The following LYRM2 variants were observed in gnomAD, a reference collection of about 807,000 sequenced individuals.
The protein encoded by LYRM2 is LYR motif-containing protein 2.
In LYRM2, 8 loss-of-function variants were observed where a neutral mutation model predicts 11.6. The observed-to-expected ratio is 0.69, with a 90% CI of 0.40 to 1.24. The LOEUF is 1.24. Among genes scored for constraint, LYRM2 ranks in the 50% most tolerant of loss-of-function variants. The pLI is 0.01. For synonymous variants in LYRM2, 30 were observed against 36.4 expected (o/e 0.83, Z 0.63); for missense variants, 117 against 102.9 (o/e 1.14, Z -0.59).
Position 89,634,794 on chromosome 6 carries a change from T to A in LYRM2, c.*2479A>T, listed in dbSNP as rs764010190. On this transcript the variant is annotated 3_prime_UTR_variant, in exon 3 of 3. Transcript: ENST00000523377. The stretch of plus-strand genomic sequence containing the variant: ...TAAAACTTCTAACTTGATGGCACTT[T>A]TTTATTTTTTTTGAGACAAGAGTCT... 4 of 152,230 alleles carry A rather than the reference T, an allele frequency of 2.6e-5. No homozygotes were observed. The highest frequency in any genetic ancestry group is 5.9e-5 in the Non-Finnish European group (4 of 68,076). The allele number at this position is 152,230 out of a possible 1,614,324, so 9.4% of individuals were successfully genotyped here.
chr6:89,636,686 T>G lies in LYRM2; in HGVS notation c.*587A>C, dbSNP rs1327645642. On this transcript the variant is annotated 3_prime_UTR_variant, in exon 3 of 3. Coordinates refer to ENST00000523377, the MANE Select transcript of LYRM2 (RefSeq NM_020466.5). ...GAATGTGAATCTCAGGGTTGTTTTT[T>G]TTTTTTTTTTTTAGAGACTGTCTCA... is the stretch of plus-strand genomic sequence containing the variant. 6.6e-6 allele frequency: 1 copy of G among 151,496 alleles called. No individual in the cohort carries two copies. Among genetic ancestry groups the G allele is most frequent in the East Asian group, 1.9e-4 (1 of 5,174 alleles). The allele number at this position is 151,496 out of a possible 1,614,324, so 9.4% of individuals were successfully genotyped here.
chr6:89,638,654 G>C lies in LYRM2; in HGVS notation c.45+18C>G, dbSNP rs1584060410. The C allele has an allele frequency of 6.2e-7, 1 of 1,614,010 alleles. No individual in the cohort carries two copies. Among genetic ancestry groups the C allele is most frequent in the East Asian group, 2.2e-5 (1 of 44,866 alleles). On this transcript the variant is annotated intron_variant, in intron 1 of 2. Transcript: ENST00000523377. ...AGACCCAGGTAAGCTGCTTTGGAAG[G>C]CAGAGAACCGCCGGTACCTGCTTTA...
chr6:89,638,505 G>A, intron 1 of LYRM2, 167 bp downstream of exon 1: 2 of 1,531,256 alleles, frequency 1.3e-6, no homozygotes, highest in South Asian at 1.3e-5. Flanking sequence ...AGTGCCTCCC[G>A]TCAGGCCCCG....
intron 1 of LYRM2, chr6:89,638,247 C>A: frequency 1.8e-6 from 2 of 1,117,726 alleles, no homozygotes; most frequent in Non-Finnish European, 2.2e-6. Context: ...ACCTAAGAAC[C>A]ATTAAAAAAT....
At position 89,633,026 on chromosome 6, in the gene LYRM2, T is replaced by C. The variant is rs1217122541; in HGVS notation, c.*4247A>G. 4 of 152,322 alleles carry C rather than the reference T, an allele frequency of 2.6e-5. No homozygotes were observed. Among genetic ancestry groups the C allele is most frequent in the East Asian group, 1.9e-4 (1 of 5,188 alleles). The allele number at this position is 152,322 out of a possible 1,614,324, so 9.4% of individuals were successfully genotyped here. ...AATTTTAAGTATCAAGTCTAGACCA[T>C]AGAGTGCTTTGGTGGGAGTATTTTG... On this transcript the variant is annotated 3_prime_UTR_variant, in exon 3 of 3. Transcript: ENST00000523377.
intron 1 of LYRM2, 39 bp downstream of exon 1, chr6:89,638,633 C>T (rs771811342): frequency 6.3e-5 from 102 of 1,613,564 alleles, no homozygotes; most frequent in Non-Finnish European, 8.4e-5. Context: ...CAGCTCAGAC[C>T]CAGGTAAGCT....
rs1441313578 is a variant in LYRM2 at position 89,635,127 on chromosome 6, T to TA, written c.*2145dup. 4 of 152,324 alleles carry TA rather than the reference T, an allele frequency of 2.6e-5. No homozygotes were observed. The highest frequency in any genetic ancestry group is 2.6e-4 in the Admixed American group (4 of 15,298). 9.4% of individuals were successfully genotyped at this position (152,324 alleles called of 1,614,324 possible). On this transcript the variant is annotated 3_prime_UTR_variant, in exon 3 of 3. Transcript: ENST00000523377. ...TTGAATCTTGCAAATGCAAACCACATACGCTCTTTAATGAAAACCTTTCCA... is the reference window on the plus strand; with the variant it reads ...TTGAATCTTGCAAATGCAAACCACATAACGCTCTTTAATGAAAACCTTTCCA...
chr6:89,637,116 G>A lies in LYRM2; in HGVS notation c.*157C>T. On this transcript the variant is annotated 3_prime_UTR_variant, in exon 3 of 3. Transcript: ENST00000523377. ...TTCAAAATGCAGGGTATGTTTTTCA[G>A]TGTTAAGGCAACTGTTCTGATGTGT... is the stretch of plus-strand genomic sequence containing the variant. The A allele has an allele frequency of 1.9e-6, 1 of 515,130 alleles. No homozygotes were observed. The highest frequency in any genetic ancestry group is 3.5e-6 in the Non-Finnish European group (1 of 289,832). 31.9% of individuals were successfully genotyped at this position (515,130 alleles called of 1,614,324 possible). A position where few individuals can be genotyped will look rare whatever the true frequency, so the allele number is the denominator to read the frequency against.
At position 89,636,680 on chromosome 6, in the gene LYRM2, G is replaced by GCTTTTTTTTTTTT. The variant is rs1275271207; in HGVS notation, c.*592_*593insAAAAAAAAAAAAG. On this transcript the variant is annotated 3_prime_UTR_variant, in exon 3 of 3. Coordinates refer to ENST00000523377, the MANE Select transcript of LYRM2 (RefSeq NM_020466.5). The stretch of plus-strand genomic sequence containing the variant: ...TCTAGTGAATGTGAATCTCAGGGTT[G>GCTTTTTTTTTTTT]TTTTTTTTTTTTTTTTTTAGAGACT... 5.4e-5 allele frequency: 7 copies of GCTTTTTTTTTTTT among 129,504 alleles called. No homozygotes were observed. Among genetic ancestry groups the GCTTTTTTTTTTTT allele is most frequent in the Non-Finnish European group, 4.9e-5 (3 of 60,952 alleles). The allele number at this position is 129,504 out of a possible 1,614,324, so 8.0% of individuals were successfully genotyped here.
At position 89,634,340 on chromosome 6, in the gene LYRM2, T is replaced by C. The variant is rs958319314; in HGVS notation, c.*2933A>G. The C allele has an allele frequency of 6.6e-6, 1 of 152,080 alleles. No individual in the cohort carries two copies. The highest frequency in any genetic ancestry group is 2.1e-4 in the South Asian group (1 of 4,826). The allele number at this position is 152,080 out of a possible 1,614,324, so 9.4% of individuals were successfully genotyped here. ...TCCCTTTGATACGACTATAATATTATAAACAGCAAGGAATATGTTCTGCTT... is the reference window on the plus strand; with the variant it reads ...TCCCTTTGATACGACTATAATATTACAAACAGCAAGGAATATGTTCTGCTT... On this transcript the variant is annotated 3_prime_UTR_variant, in exon 3 of 3. Transcript: ENST00000523377.
rs771027615 is a variant in LYRM2 at position 89,637,269 on chromosome 6, A to G, written c.*4T>C. The G allele has an allele frequency of 3.0e-6, 4 of 1,340,458 alleles. No homozygotes were observed. In the South Asian group the frequency reaches 3.6e-5, roughly 12 times the overall value. The allele number at this position is 1,340,458 out of a possible 1,614,324, so 83.0% of individuals were successfully genotyped here. A position where few individuals can be genotyped will look rare whatever the true frequency, so the allele number is the denominator to read the frequency against. On this transcript the variant is annotated 3_prime_UTR_variant, in exon 3 of 3. Coordinates refer to ENST00000523377, the MANE Select transcript of LYRM2 (RefSeq NM_020466.5). ...TTTGAAAATCCTTCAGAATAATGCTATAGTTAAGATTTTGCTAAAGCAAGT... is the reference window on the plus strand; with the variant it reads ...TTTGAAAATCCTTCAGAATAATGCTGTAGTTAAGATTTTGCTAAAGCAAGT...
chr6:89,634,964 A>G lies in LYRM2; in HGVS notation c.*2309T>C, dbSNP rs1210478781. 2.0e-5 allele frequency: 3 copies of G among 152,016 alleles called. No homozygotes were observed. Among genetic ancestry groups the G allele is most frequent in the African/African-American group, 7.2e-5 (3 of 41,380 alleles). 9.4% of individuals were successfully genotyped at this position (152,016 alleles called of 1,614,324 possible). A position where few individuals can be genotyped will look rare whatever the true frequency, so the allele number is the denominator to read the frequency against. ...GGTTAGGCTAGCTAGTGGCCTAGCT[A>G]GTCTCGAAATCCTGACCTAAAGTGA... On this transcript the variant is annotated 3_prime_UTR_variant, in exon 3 of 3. Transcript: ENST00000523377.
At position 89,637,837 on chromosome 6, in the gene LYRM2, G is replaced by C; in HGVS notation, c.91C>G (p.Gln31Glu). ...TCATTTGGAACTTGCCGAATTGTTT[G>C]CAAAATCCTTCTGTAGAGGAGAAGA... ...QVLLLYRRIL[Q>E]TIRQVPNDSD... is the part of the protein sequence containing the mutation. The change falls in exon 2 of 3, where the codon CAA becomes GAA. Residue 31 changes from glutamine to glutamate, a missense_variant. Gln to Glu is a conservative substitution (Grantham distance 29). Coordinates refer to ENST00000523377, the MANE Select transcript of LYRM2 (RefSeq NM_020466.5). 6.2e-7 allele frequency: 1 copy of C among 1,614,062 alleles called. No homozygotes were observed. Among genetic ancestry groups the C allele is most frequent in the Non-Finnish European group, 8.5e-7 (1 of 1,179,976 alleles).
At chr6:89,638,571 G>C in intron 1 of LYRM2, 101 bp downstream of exon 1, 2 of 1,594,412 alleles carry the variant, frequency 1.3e-6, no homozygotes, top group Non-Finnish European at 1.7e-6. Context: ...CGCGCACGCC[G>C]CATCAGGACC....
chr6:89,632,761 C>G lies in LYRM2; in HGVS notation c.*4512G>C, dbSNP rs1177142957. 6.6e-6 allele frequency: 1 copy of G among 152,168 alleles called. No individual in the cohort carries two copies. Among genetic ancestry groups the G allele is most frequent in the Non-Finnish European group, 1.5e-5 (1 of 68,030 alleles). The allele number at this position is 152,168 out of a possible 1,614,324, so 9.4% of individuals were successfully genotyped here. A position where few individuals can be genotyped will look rare whatever the true frequency, so the allele number is the denominator to read the frequency against. ...GGCACTTTCTCATTTCCCTATTGTT[C>G]CTAATACAGAATTGTAGAGCTGGAG... On this transcript the variant is annotated 3_prime_UTR_variant, in exon 3 of 3. Transcript: ENST00000523377.
At position 89,632,744 on chromosome 6, in the gene LYRM2, C is replaced by T. The variant is rs574378042; in HGVS notation, c.*4529G>A. ...TTAGATTGCAATATAGAGGCACTTT[C>T]TCATTTCCCTATTGTTCCTAATACA... On this transcript the variant is annotated 3_prime_UTR_variant, in exon 3 of 3. Coordinates refer to ENST00000523377, the MANE Select transcript of LYRM2 (RefSeq NM_020466.5). 6.6e-6 allele frequency: 1 copy of T among 152,308 alleles called. No individual in the cohort carries two copies. Among genetic ancestry groups the T allele is most frequent in the African/African-American group, 2.4e-5 (1 of 41,568 alleles). 9.4% of individuals were successfully genotyped at this position (152,308 alleles called of 1,614,324 possible).
intron 1 of LYRM2, chr6:89,638,416 G>C (rs1442142137): frequency 7.1e-7 from 1 of 1,418,430 alleles, no homozygotes; most frequent in Non-Finnish European, 9.2e-7. Context: ...TGGGCACTGG[G>C]CAGCTGAGGC....
rs764010190 is a variant in LYRM2 at position 89,634,794 on chromosome 6, T to C, written c.*2479A>G. Reference sequence around the variant, plus strand: ...TAAAACTTCTAACTTGATGGCACTTTTTTATTTTTTTTGAGACAAGAGTCT... The same window carrying C: ...TAAAACTTCTAACTTGATGGCACTTCTTTATTTTTTTTGAGACAAGAGTCT... On this transcript the variant is annotated 3_prime_UTR_variant, in exon 3 of 3. Transcript: ENST00000523377. The C allele has an allele frequency of 6.6e-6, 1 of 152,230 alleles. No homozygotes were observed. Among genetic ancestry groups the C allele is most frequent in the African/African-American group, 2.4e-5 (1 of 41,438 alleles). The allele number at this position is 152,230 out of a possible 1,614,324, so 9.4% of individuals were successfully genotyped here.
rs1441481693 is a variant in LYRM2 at position 89,632,711 on chromosome 6, G to C, written c.*4562C>G. On this transcript the variant is annotated 3_prime_UTR_variant, in exon 3 of 3. Transcript: ENST00000523377. Reference sequence around the variant, plus strand: ...TACGCAGGTAGACAGTCTTCCCCCAGAGACTCATTAGATTGCAATATAGAG... The same window carrying C: ...TACGCAGGTAGACAGTCTTCCCCCACAGACTCATTAGATTGCAATATAGAG... The C allele has an allele frequency of 6.6e-6, 1 of 152,168 alleles. No individual in the cohort carries two copies. The highest frequency in any genetic ancestry group is 2.4e-5 in the African/African-American group (1 of 41,442). 9.4% of individuals were successfully genotyped at this position (152,168 alleles called of 1,614,324 possible).
Sources: gnomAD v4.1 joint callset for allele counts on GRCh38, gnomAD v4.1.1 for gene constraint, MANE v1.5 for transcripts, NCBI Gene and HGNC (gene_info 2026-07-23, HGNC 2026-07-21) for gene names.